The following CEP128 variants were observed in gnomAD, a reference collection of about 807,000 sequenced individuals.
CEP128 encodes the protein centrosomal protein 128, also known as centrosomal protein 128kDa.
In CEP128, 132 loss-of-function variants were observed where a neutral mutation model predicts 156.7. That is an observed-to-expected ratio of 0.84 (90% CI 0.73 to 0.97). CEP128 has a LOEUF of 0.97. Ranked by LOEUF, CEP128 falls within the 50% of genes least tolerant of loss-of-function variation. The pLI, the probability that CEP128 is intolerant of heterozygous loss-of-function variation, is 0.00. For missense variants in CEP128, 1,252 were observed against 1,281.9 expected (o/e 0.98, Z 0.36); for synonymous variants, 469 against 448.9 (o/e 1.04, Z -0.57).
intron 21 of CEP128, among the ~76,000 whole-genome samples, chr14:80,553,107 T>C (rs1215519244): frequency 6.6e-6 from 1 of 151,544 alleles, no homozygotes; most frequent in Non-Finnish European, 1.5e-5. Flanking sequence ...TACTTTAAGG[T>C]CTGGGATACA....
At chr14:80,746,816 C>T (rs919341718) in intron 18 of CEP128, among the ~76,000 whole-genome samples, 2 of 152,112 alleles carry the variant, frequency 1.3e-5, no homozygotes, top group African/African-American at 4.8e-5. Flanking sequence ...TGCTAAGTGG[C>T]AGAAAATATT....
intron 8 of CEP128, among the ~76,000 whole-genome samples, chr14:80,869,780 T>C (rs1260115853): frequency 6.6e-6 from 1 of 152,054 alleles, no homozygotes; most frequent in East Asian, 1.9e-4. Flanking sequence ...TTAAGCCTAG[T>C]ACCCAGGAGT....
chr14:80,697,688 C>G (rs1194598927), intron 19 of CEP128, among the ~76,000 whole-genome samples: 1 of 151,918 alleles, frequency 6.6e-6, no homozygotes, highest in Admixed American at 6.6e-5. Context: ...AACATCTGTT[C>G]CATCTGCTTA....
intron 23 of CEP128, among the ~76,000 whole-genome samples, chr14:80,508,135 C>T (rs572901516): frequency 1.3e-5 from 2 of 152,070 alleles, no homozygotes; most frequent in African/African-American, 4.8e-5. Flanking sequence ...AGGCTGGTCT[C>T]GAACTCCTGA....
chr14:80,785,380 C>T lies in CEP128; in HGVS notation c.1726G>A (p.Asp576Asn). The change falls in exon 15 of 25, where the codon GAC becomes AAC. Residue 576 changes from aspartate to asparagine, a missense_variant. Transcript: ENST00000555265. ...KLRDIKSHQADLELEVKNSLD... is the reference protein window; with the variant it reads ...KLRDIKSHQANLELEVKNSLD... ...GAATTCTTAACTTCCAATTCAAGGTCAGCTTGATGAGACTTAATATCACGT... is the reference window on the plus strand; with the variant it reads ...GAATTCTTAACTTCCAATTCAAGGTTAGCTTGATGAGACTTAATATCACGT... 8 of 1,614,148 alleles carry T rather than the reference C, an allele frequency of 5.0e-6. No homozygotes were observed. The highest frequency in any genetic ancestry group is 6.8e-6 in the Non-Finnish European group (8 of 1,180,006).
intron 23 of CEP128, among the ~76,000 whole-genome samples, chr14:80,523,184 C>T (rs1888819888): frequency 6.6e-6 from 1 of 152,212 alleles, no homozygotes. Flanking sequence ...GAGAAGCCAG[C>T]TGCCAACATG....
chr14:80,596,723 G>A (rs1393474202), intron 19 of CEP128, among the ~76,000 whole-genome samples: 18 of 128,486 alleles, frequency 1.4e-4, no homozygotes. Context: ...TGAGGCAGAA[G>A]GATCACTTCA....
intron 14 of CEP128, among the ~76,000 whole-genome samples, chr14:80,790,280 T>C (rs1159830130): frequency 6.6e-6 from 1 of 151,940 alleles, no homozygotes; most frequent in African/African-American, 2.4e-5. Context: ...ATTATCCATA[T>C]TAAAAAAGAA....
At chr14:80,895,283 G>T (rs924302729) in intron 8 of CEP128, among the ~76,000 whole-genome samples, 3 of 152,074 alleles carry the variant, frequency 2.0e-5, no homozygotes, top group Non-Finnish European at 4.4e-5. Flanking sequence ...GGTCTTTGTA[G>T]CAATTGTAAT....
chr14:80,500,458 A>C (rs1887683094), intron 24 of CEP128, among the ~76,000 whole-genome samples: 1 of 152,192 alleles, frequency 6.6e-6, no homozygotes. Flanking sequence ...CCCAGCTTTC[A>C]TGTTCCACCT....
intron 16 of CEP128, among the ~76,000 whole-genome samples, chr14:80,775,961 A>C (rs1900767404): frequency 6.6e-6 from 1 of 152,032 alleles, no homozygotes; most frequent in African/African-American, 2.4e-5. Flanking sequence ...AGCCACCTGA[A>C]TAGCTGGGAT....
chr14:80,623,846 T>C (rs1893595940), intron 19 of CEP128, among the ~76,000 whole-genome samples: 1 of 152,212 alleles, frequency 6.6e-6, no homozygotes, highest in Admixed American at 6.5e-5. Flanking sequence ...GATATTTTGA[T>C]ACATGTATGC....
chr14:80,955,033 G>C (rs1886578747), intron 2 of CEP128: 1 of 154,356 alleles, frequency 6.5e-6, no homozygotes, highest in Non-Finnish European at 1.4e-5. Context: ...GGATAGCAAC[G>C]AGAATCCTCC....
chr14:80,783,467 G>T (rs993336301), intron 15 of CEP128, among the ~76,000 whole-genome samples: 2 of 152,162 alleles, frequency 1.3e-5, no homozygotes, highest in Non-Finnish European at 2.9e-5. Context: ...GCAAGGTGAG[G>T]TGGGTATTAA....
chr14:80,519,714 A>G (rs1038749853), intron 23 of CEP128, among the ~76,000 whole-genome samples: 2 of 152,080 alleles, frequency 1.3e-5, no homozygotes, highest in African/African-American at 4.8e-5. Flanking sequence ...TGTGGCTGCT[A>G]TTTTACATTT....
chr14:80,874,035 C>A (rs1023882891), intron 8 of CEP128, among the ~76,000 whole-genome samples: 6 of 152,200 alleles, frequency 3.9e-5, no homozygotes, highest in Middle Eastern at 3.4e-3. Flanking sequence ...GTAAATTGCC[C>A]AGTTCGTATG....
chr14:80,570,563 G>C (rs1179822648), intron 20 of CEP128, among the ~76,000 whole-genome samples: 6 of 152,024 alleles, frequency 3.9e-5, no homozygotes, highest in African/African-American at 1.5e-4. Context: ...CGGGGAGGCT[G>C]GTCTGTAATC....
At chr14:80,715,228 A>T (rs561042992) in intron 19 of CEP128, among the ~76,000 whole-genome samples, 28 of 152,182 alleles carry the variant, frequency 1.8e-4, no homozygotes, top group Admixed American at 1.7e-3. Flanking sequence ...GCCTCAGAAA[A>T]AAAAAAGGAA....
intron 9 of CEP128, among the ~76,000 whole-genome samples, chr14:80,856,319 A>G (rs1292610938): frequency 2.0e-5 from 3 of 152,138 alleles, no homozygotes; most frequent in African/African-American, 7.2e-5. Context: ...GATACAGATA[A>G]GGGAGAAACT....
Sources: allele counts gnomAD v4.1 joint callset (sites outside exome capture counted in the v4.1 genomes callset), GRCh38; gene constraint gnomAD v4.1.1; transcripts MANE v1.5; gene names NCBI Gene and HGNC (gene_info 2026-07-23, HGNC 2026-07-21).